The following UGGT1 variants were observed in gnomAD, a reference collection of about 807,000 sequenced individuals.
UGGT1 encodes the protein UDP-glucose:glycoprotein glucosyltransferase 1.
A neutral mutation model predicts 203.9 loss-of-function variants in UGGT1; 107 were observed. That is an observed-to-expected ratio of 0.52 (90% CI 0.45 to 0.62). The LOEUF is 0.62. Ranked by LOEUF, UGGT1 falls within the 20% of genes least tolerant of loss-of-function variation. The pLI is 0.00. For missense variants in UGGT1, 1,673 were observed against 1,867.2 expected, an observed-to-expected ratio of 0.90 and a Z score of 1.92; for synonymous variants, 628 against 653.5, an observed-to-expected ratio of 0.96 and a Z score of 0.59.
intron 21 of UGGT1, among the ~76,000 whole-genome samples, chr2:128,156,946 C>A (rs1019204743): frequency 1.3e-5 from 2 of 152,120 alleles, no homozygotes; most frequent in African/African-American, 2.4e-5. Flanking sequence ...TTAAAAATGA[C>A]AATATGTTAC....
At chr2:128,146,975 C>T (rs970235614) in intron 18 of UGGT1, among the ~76,000 whole-genome samples, 13 of 152,176 alleles carry the variant, frequency 8.5e-5, no homozygotes, top group African/African-American at 3.1e-4. Flanking sequence ...CACAGACTCT[C>T]GGGCCCCACT....
intron 7 of UGGT1, among the ~76,000 whole-genome samples, chr2:128,115,483 T>TAAAAAAAAA (rs55952659): frequency 1.6e-5 from 2 of 121,760 alleles, no homozygotes; most frequent in Admixed American, 8.3e-5. Flanking sequence ...TTTCATGTAC[T>TAAAAAAAAA]AAAAAAAAAA....
Position 128,100,618 on chromosome 2 carries a change from C to T in UGGT1, c.194+3054C>T, listed in dbSNP as rs1489547717. On this transcript the variant is annotated intron_variant, in intron 2 of 40. Transcript: ENST00000259253. ...TTTTTTTTTAGTAGCGATGGAGTTT[C>T]TCTATGTTGGTCAGGCTGGTCTGGA... Among the ~76,000 whole-genome samples the T allele has an allele frequency of 1.0e-4, 14 of 137,816 alleles. No homozygotes were observed. In the South Asian group the frequency reaches 2.5e-3, roughly 25 times the overall value. The allele number at this position is 137,816 out of a possible 152,430, so 90.4% of individuals were successfully genotyped here.
intron 11 of UGGT1, 75 bp from the exon 12 acceptor site, chr2:128,127,286 G>A (rs904721300): frequency 2.0e-6 from 2 of 1,020,402 alleles, no homozygotes; most frequent in Non-Finnish European, 3.0e-6. Flanking sequence ...TGTACAGGTA[G>A]TGAAGCCCAG....
At chr2:128,124,359 GT>G (rs1353124286) in intron 11 of UGGT1, among the ~76,000 whole-genome samples, 1 of 152,196 alleles carries the variant, frequency 6.6e-6, no homozygotes, top group Admixed American at 6.5e-5. Flanking sequence ...TGGAATTTTA[GT>G]TTCCATTGTG....
Position 128,143,162 on chromosome 2 carries a change from A to C in UGGT1, c.1788A>C (p.Lys596Asn). Residue 596 changes from lysine (K) to asparagine (N), a missense_variant, in exon 17 of 41, where the codon AAA becomes AAC. Around this residue, in one of 4 missense-constraint regions of UGGT1, gnomAD observed 1,073 missense variants for 1,078.7 expected, o/e 0.99. Coordinates refer to ENST00000259253, the MANE Select transcript of UGGT1 (RefSeq NM_020120.4). The stretch of plus-strand genomic sequence containing the variant: ...ATGTGGTCAGTGTCCTGGAGAAGAA[A>C]TATCCGTATGTAGAAGTGAATAGCA... ...VEHVVSVLEK[K>N]YPYVEVNSIL... 1 of 1,614,042 alleles carries C rather than the reference A, an allele frequency of 6.2e-7. No individual in the cohort carries two copies.
Position 128,160,561 on chromosome 2 carries a change from G to T in UGGT1, c.2664G>T (p.Lys888Asn). ...VYCRDVLKLK[K>N]GQRAVISNGR... ...GCAGGGATGTTCTGAAGCTGAAGAA[G>T]GGACAGAGGGCAGTGATCAGCAATG... Residue 888 changes from lysine to asparagine, a missense_variant, in exon 24 of 41, where the codon AAG becomes AAT. Lys to Asn is a moderately conservative substitution (Grantham distance 94). This residue lies in a region of UGGT1 where 1,073 missense variants were observed against 1,078.7 expected (regional missense o/e 0.99). Transcript: ENST00000259253. 6.2e-7 allele frequency: 1 copy of T among 1,613,252 alleles called. No individual in the cohort carries two copies. Among genetic ancestry groups the T allele is most frequent in the Non-Finnish European group, 8.5e-7 (1 of 1,179,658 alleles).
chr2:128,131,872 C>T (rs2105423673), intron 13 of UGGT1, among the ~76,000 whole-genome samples: 1 of 152,222 alleles, frequency 6.6e-6, no homozygotes, highest in South Asian at 2.1e-4. Flanking sequence ...CATGATCTGC[C>T]CACTTTGGCC....
intron 5 of UGGT1, 59 bp from the exon 6 acceptor site, chr2:128,113,025 A>T: frequency 1.4e-6 from 2 of 1,384,942 alleles, no homozygotes; most frequent in Non-Finnish European, 1.9e-6. Flanking sequence ...ATATTTTGTG[A>T]CATTTTTAGT....
intron 40 of UGGT1, among the ~76,000 whole-genome samples, chr2:128,188,879 A>G (rs896713827): frequency 6.6e-6 from 1 of 152,262 alleles, no homozygotes; most frequent in Non-Finnish European, 1.5e-5. Context: ...AGACTGTACT[A>G]TGATATTAAA....
intron 40 of UGGT1, 89 bp from the exon 41 acceptor site, chr2:128,189,628 T>G (rs574997634): frequency 7.5e-7 from 1 of 1,333,922 alleles, no homozygotes; most frequent in East Asian, 2.4e-5. Context: ...GTACAAAGAA[T>G]AGGTTCCAGT....
At chr2:128,157,225 C>T (rs764863190) in intron 21 of UGGT1, 27 bp from the exon 22 acceptor site, 38 of 1,524,096 alleles carry the variant, frequency 2.5e-5, no homozygotes, top group Non-Finnish European at 5.5e-6. Flanking sequence ...TCCTCTGACT[C>T]AATTAGCTGT....
At chr2:128,104,312 C>A (rs1342318247) in intron 3 of UGGT1, among the ~76,000 whole-genome samples, 1 of 152,124 alleles carries the variant, frequency 6.6e-6, no homozygotes, top group Non-Finnish European at 1.5e-5. Flanking sequence ...CATTTTAAAT[C>A]ATTCAGTATT....
Position 128,121,745 on chromosome 2 carries a change from C to T in UGGT1, c.1073+447C>T, listed in dbSNP as rs565439208. On this transcript the variant is annotated intron_variant, in intron 10 of 40. Transcript: ENST00000259253. ...TTTATGACCACCACCACTACTATTG[C>T]AGATGGTGCTCTGTGTCTTGAAGAT... Among the ~76,000 whole-genome samples, 18 of 152,296 alleles carry T rather than the reference C, an allele frequency of 1.2e-4. No individual in the cohort carries two copies. In the East Asian group the frequency reaches 3.5e-3, roughly 29 times the overall value.
intron 23 of UGGT1, 63 bp downstream of exon 23, chr2:128,159,783 C>T (rs1328028778): frequency 1.9e-5 from 29 of 1,496,094 alleles, no homozygotes; most frequent in Non-Finnish European, 2.6e-5. Flanking sequence ...TCACCCACTG[C>T]AGCTTACGTG....
chr2:128,172,812 A>G, intron 29 of UGGT1, 50 bp downstream of exon 29: 1 of 1,544,366 alleles, frequency 6.5e-7, no homozygotes, highest in Non-Finnish European at 8.8e-7. Context: ...ATAATACAGC[A>G]GATTGAATCA....
At chr2:128,172,912 A>C in intron 29 of UGGT1, 150 bp downstream of exon 29, 1 of 730,420 alleles carries the variant, frequency 1.4e-6, no homozygotes, top group Non-Finnish European at 2.2e-6. Flanking sequence ...TATACCATAA[A>C]ATTCTCCCCA....
chr2:128,117,063 A>G (rs1026781969), intron 8 of UGGT1, among the ~76,000 whole-genome samples: 8 of 152,138 alleles, frequency 5.3e-5, no homozygotes, highest in African/African-American at 1.9e-4. Context: ...GCTCAATGGG[A>G]AAAACATTTT....
At chr2:128,128,096 A>C (rs1022493379) in intron 12 of UGGT1, among the ~76,000 whole-genome samples, 2 of 151,966 alleles carry the variant, frequency 1.3e-5, no homozygotes, top group South Asian at 2.1e-4. Flanking sequence ...ACAAAAAAAA[A>C]CTGTCTCTTG....
Sources: allele counts gnomAD v4.1 joint callset (sites outside exome capture counted in the v4.1 genomes callset), GRCh38; gene constraint gnomAD v4.1.1; regional missense constraint gnomAD v4.1.1; transcripts MANE v1.5; gene names NCBI Gene and HGNC (gene_info 2026-07-23, HGNC 2026-07-21).